The following SLC35E2B variants were observed in gnomAD, a reference collection of about 807,000 sequenced individuals.
SLC35E2B encodes solute carrier family 35 member E2B.
Under a neutral mutation model 32.4 loss-of-function variants are expected in SLC35E2B, and 18 were observed. That is an observed-to-expected ratio of 0.56 (90% confidence interval 0.38 to 0.82). The LOEUF is 0.82. Ranked by LOEUF, SLC35E2B falls within the 40% of genes least tolerant of loss-of-function variation. SLC35E2B has a pLI of 0.00. For missense variants in SLC35E2B, 263 were observed against 469.5 expected, an observed-to-expected ratio of 0.56 and a Z score of 4.06; for synonymous variants, 132 against 209.1, an observed-to-expected ratio of 0.63 and a Z score of 3.18.
Position 1,665,764 on chromosome 1 carries a change from G to A in SLC35E2B, c.*18C>T, listed in dbSNP as rs547496333. On this transcript the variant is annotated 3_prime_UTR_variant, in exon 10 of 10. Coordinates refer to ENST00000617444, the MANE Select transcript of SLC35E2B (RefSeq NM_001290264.2). ...ATGCAGTGTCACGAGGACAGCAGCAGCTGGCAGCTTCCTGCTCTCAGGGAT... is the reference window on the plus strand; with the variant it reads ...ATGCAGTGTCACGAGGACAGCAGCAACTGGCAGCTTCCTGCTCTCAGGGAT... 33 of 1,547,926 alleles carry A rather than the reference G, an allele frequency of 2.1e-5. No homozygotes were observed. The East Asian group carries it at 2.4e-4, about 11-fold the overall frequency.
chr1:1,665,483 C>T lies in SLC35E2B; in HGVS notation c.*299G>A, dbSNP rs904201226. On this transcript the variant is annotated 3_prime_UTR_variant, in exon 10 of 10. Coordinates refer to ENST00000617444, the MANE Select transcript of SLC35E2B (RefSeq NM_001290264.2). ...TCCCGGTGGACCCTGGGGTGTCGCCCAGAGAGGAAGTGGGCACCCCCAGCA... is the reference window on the plus strand; with the variant it reads ...TCCCGGTGGACCCTGGGGTGTCGCCTAGAGAGGAAGTGGGCACCCCCAGCA... 4 of 555,970 alleles carry T rather than the reference C, an allele frequency of 7.2e-6. No individual in the cohort carries two copies. The highest frequency in any genetic ancestry group is 5.7e-5 in the African/African-American group (3 of 52,828). 34.4% of individuals were successfully genotyped at this position (555,970 alleles called of 1,614,324 possible). A position where few individuals can be genotyped will look rare whatever the true frequency, so the allele number is the denominator to read the frequency against.
At chr1:1,681,369 G>A (rs1192568559) in intron 2 of SLC35E2B, among the ~76,000 whole-genome samples, 1 of 146,116 alleles carries the variant, frequency 6.8e-6, no homozygotes, top group Non-Finnish European at 1.5e-5. Flanking sequence ...GGCTAATTTT[G>A]TTTTTTTTTG....
intron 2 of SLC35E2B, among the ~76,000 whole-genome samples, chr1:1,686,554 C>T (rs1192226260): frequency 7.0e-6 from 1 of 143,428 alleles, no homozygotes; most frequent in Non-Finnish European, 1.5e-5. Context: ...GAGGCCGAGG[C>T]GGGTGGATCA....
intron 9 of SLC35E2B, among the ~76,000 whole-genome samples, chr1:1,666,856 A>T (rs1054049804): frequency 6.6e-6 from 1 of 152,124 alleles, no homozygotes; most frequent in African/African-American, 2.4e-5. Flanking sequence ...CTGTAATCCC[A>T]GCACTGTGGG....
At position 1,663,534 on chromosome 1, in the gene SLC35E2B, G is replaced by T; in HGVS notation, c.*2248C>A. On this transcript the variant is annotated 3_prime_UTR_variant, in exon 10 of 10. Transcript: ENST00000617444. The stretch of plus-strand genomic sequence containing the variant: ...TGCCCAGGCTGGAGTGCAATGGCAC[G>T]ATCTTGGCTCACTGCAACCTCCATC... 1.6e-6 allele frequency: 1 copy of T among 613,008 alleles called. No individual in the cohort carries two copies. The highest frequency in any genetic ancestry group is 2.0e-6 in the Non-Finnish European group (1 of 488,934). 38.0% of individuals were successfully genotyped at this position (613,008 alleles called of 1,614,324 possible). A position where few individuals can be genotyped will look rare whatever the true frequency, so the allele number is the denominator to read the frequency against.
intron 2 of SLC35E2B, among the ~76,000 whole-genome samples, chr1:1,686,693 A>G (rs1405188987): frequency 1.3e-5 from 2 of 151,786 alleles, no homozygotes; most frequent in Non-Finnish European, 1.5e-5. Flanking sequence ...TTGAACCTAG[A>G]AGACGGAGGT....
In SLC35E2B at chr1:1,664,477, G is replaced by A. The variant is rs879720769; in HGVS notation, c.*1305C>T. ...CCTGGAGCTCTGGGTCTCAAAGGCT[G>A]GCTGGCAACAGGCTGCACCGGGCAT... On this transcript the variant is annotated 3_prime_UTR_variant, in exon 10 of 10. Transcript: ENST00000617444. 5.4e-5 allele frequency: 49 copies of A among 914,928 alleles called. 2 individuals are homozygous for A. The highest frequency in any genetic ancestry group is 6.4e-5 in the Non-Finnish European group (49 of 767,200). The allele number at this position is 914,928 out of a possible 1,614,324, so 56.7% of individuals were successfully genotyped here.
chr1:1,668,239 A>G (rs932455355), intron 9 of SLC35E2B, 88 bp downstream of exon 9: 181 of 1,488,248 alleles, frequency 1.2e-4, no homozygotes, highest in Non-Finnish European at 1.5e-4. Flanking sequence ...AGAGAATCAC[A>G]TGTGTCCCTT....
intron 7 of SLC35E2B, 157 bp downstream of exon 7, chr1:1,669,941 C>G: frequency 1.2e-6 from 1 of 850,234 alleles, no homozygotes; most frequent in East Asian, 2.7e-5. Flanking sequence ...AGCTGAGAAA[C>G]GGGCGGGTCC....
At chr1:1,688,328 C>T (rs9442411) in intron 2 of SLC35E2B, among the ~76,000 whole-genome samples, 26,328 of 151,958 alleles carry the variant, frequency 0.17, 2,362 homozygotes, top group Middle Eastern at 0.22. Context: ...TAGAAACGGC[C>T]GGGCGCGCTG....
At chr1:1,689,221 G>A (rs374313793) in intron 2 of SLC35E2B, among the ~76,000 whole-genome samples, 4,134 of 149,908 alleles carry the variant, frequency 0.028, 83 homozygotes, top group Middle Eastern at 0.041. Context: ...GGCACCACGA[G>A]TTGCTGAAGA....
intron 5 of SLC35E2B, chr1:1,672,785 C>A (rs535990148): frequency 6.6e-6 from 1 of 152,644 alleles, no homozygotes; most frequent in Non-Finnish European, 1.5e-5. Context: ...AGGGTGGTGC[C>A]TTAAGACAGA....
At position 1,665,843 on chromosome 1, in the gene SLC35E2B, C is replaced by A; in HGVS notation, c.1157G>T (p.Gly386Val). Residue 386 changes from glycine to valine, a missense_variant, in exon 10 of 10, where the codon GGC becomes GTC. Gly to Val is a moderately radical substitution (Grantham distance 109). Around this residue, in one of 7 missense-constraint regions of SLC35E2B, gnomAD observed 78 missense variants for 71.1 expected, o/e 1.10. Transcript: ENST00000617444. Reference protein sequence around the residue: ...EALQSLAAATGRAPDDTVEPL... With the variant: ...EALQSLAAATVRAPDDTVEPL... ...CTCCACTGTGTCGTCTGGGGCCCGG[C>A]CAGTGGCTGCAGCCAGGCTCTGCAG... 3 of 1,550,756 alleles carry A rather than the reference C, an allele frequency of 1.9e-6. No individual in the cohort carries two copies. Among genetic ancestry groups the A allele is most frequent in the East Asian group, 4.9e-5 (2 of 40,926 alleles).
rs192056551 is a variant in SLC35E2B at position 1,663,091 on chromosome 1, G to T, written c.*2691C>A. The T allele has an allele frequency of 1.2e-4, 116 of 960,394 alleles. 2 individuals are homozygous for T. The African/African-American group carries it at 1.5e-3, about 12-fold the overall frequency. 59.5% of individuals were successfully genotyped at this position (960,394 alleles called of 1,614,324 possible). On this transcript the variant is annotated 3_prime_UTR_variant, in exon 10 of 10. Coordinates refer to ENST00000617444, the MANE Select transcript of SLC35E2B (RefSeq NM_001290264.2). ...GAGAGGGAGGGGACAGCACGACTGA[G>T]CAAGGGCACAGTGCTGGCTGCCTCA...
intron 2 of SLC35E2B, among the ~76,000 whole-genome samples, chr1:1,687,758 C>T (rs925484675): frequency 6.7e-6 from 1 of 149,586 alleles, no homozygotes; most frequent in African/African-American, 2.5e-5. Flanking sequence ...AAAGATTAAT[C>T]CTGGCGGGTG....
chr1:1,665,908 G>C lies in SLC35E2B; in HGVS notation c.1092C>G (p.Val364=). 6.4e-7 allele frequency: 1 copy of C among 1,551,348 alleles called. No individual in the cohort carries two copies. The highest frequency in any genetic ancestry group is 8.7e-7 in the Non-Finnish European group (1 of 1,146,974). Residue 364 remains valine, a synonymous_variant, in exon 10 of 10, where the codon GTC becomes GTG. Coordinates refer to ENST00000617444, the MANE Select transcript of SLC35E2B (RefSeq NM_001290264.2). ...AVGTALVTVG[V]LLYNKARQHQ... ...GTTGCCTGGCTTTGTTGTAGAGCAG[G>C]ACCCCAACGGTCACCAGGGCTGTGC...
At chr1:1,671,481 C>T (rs1358097252) in intron 6 of SLC35E2B, 28 bp downstream of exon 6, 3 of 1,450,108 alleles carry the variant, frequency 2.1e-6, no homozygotes, top group Admixed American at 5.0e-5. Context: ...GTCTCGTCCC[C>T]CTCACGCCCA....
intron 2 of SLC35E2B, among the ~76,000 whole-genome samples, chr1:1,682,012 A>G (rs1428959974): frequency 2.2e-5 from 2 of 92,388 alleles, no homozygotes; most frequent in African/African-American, 2.1e-4. Flanking sequence ...AAAAAAAAAA[A>G]AAAAAAAAAA....
chr1:1,675,366 G>A (rs1422377015), intron 5 of SLC35E2B, 97 bp downstream of exon 5: 11 of 789,426 alleles, frequency 1.4e-5, no homozygotes, highest in Middle Eastern at 3.5e-4. Context: ...AGTGGTCCTC[G>A]CGGCAGAGCC....
Sources: allele counts gnomAD v4.1 joint callset (sites outside exome capture counted in the v4.1 genomes callset), GRCh38; gene constraint gnomAD v4.1.1; regional missense constraint gnomAD v4.1.1; transcripts MANE v1.5; gene names NCBI Gene and HGNC (gene_info 2026-07-23, HGNC 2026-07-21).